Variants in AHCYL2 observed in about 807,000 individuals in gnomAD.
The protein encoded by AHCYL2 is adenosylhomocysteinase like 2, also known as S-adenosylhomocysteine hydrolase-like protein 2.
AHCYL2 carries 28 observed loss-of-function variants against 81.4 expected under a neutral mutation model. That is an observed-to-expected ratio of 0.34 (90% CI 0.25 to 0.47). The LOEUF (loss-of-function observed/expected upper bound fraction) is 0.47. Among genes scored for constraint, AHCYL2 ranks in the 20% least tolerant of loss-of-function variants. AHCYL2 has a pLI of 1.00. For synonymous variants in AHCYL2, 272 were observed against 290.2 expected (o/e 0.94, Z 0.64); for missense variants, 551 against 785.1 (o/e 0.70, Z 3.56).
chr7:129,341,908 A>G (rs564291595), intron 1 of AHCYL2, among the ~76,000 whole-genome samples: 7 of 152,222 alleles, frequency 4.6e-5, no homozygotes, highest in Non-Finnish European at 8.8e-5. Context: ...AAAGAGAAGA[A>G]TATCAGTGTA....
chr7:129,284,873 T>C (rs1002780623), intron 1 of AHCYL2, among the ~76,000 whole-genome samples: 10 of 152,212 alleles, frequency 6.6e-5, no homozygotes, highest in African/African-American at 2.4e-4. Context: ...AGAGCTTTAT[T>C]TTTGGCAAAC....
intron 1 of AHCYL2, among the ~76,000 whole-genome samples, chr7:129,337,382 G>A (rs185011063): frequency 7.4e-4 from 112 of 151,966 alleles, no homozygotes; most frequent in African/African-American, 2.5e-3. Context: ...TAGATAGGCC[G>A]TAATTTATTT....
intron 1 of AHCYL2, among the ~76,000 whole-genome samples, chr7:129,230,123 C>T (rs1012660538): frequency 7.7e-6 from 1 of 130,062 alleles, no homozygotes; most frequent in Non-Finnish European, 1.6e-5. Context: ...CTCGCTCTGT[C>T]ACCCAAGCTG....
In AHCYL2 at chr7:129,225,293, C is replaced by T. The variant is rs1186773322; in HGVS notation, c.217C>T (p.Leu73Phe). The T allele has an allele frequency of 1.4e-6, 2 of 1,473,064 alleles. No homozygotes were observed. The highest frequency in any genetic ancestry group is 2.6e-5 in the South Asian group (2 of 76,946). 91.2% of individuals were successfully genotyped at this position (1,473,064 alleles called of 1,614,324 possible). Residue 73 changes from leucine (L) to phenylalanine (F), a missense_variant, in exon 1 of 17, where the codon CTC (leucine) becomes TTC (phenylalanine). By Grantham distance (22) the Leu-to-Phe change is conservative (BLOSUM62 0). Transcript: ENST00000325006. ...CCCGGGCTCGGGGCCCGCCGCCGCT[C>T]TCAGCCCCGCCGCCGGGAAGGTGCC... The part of the protein sequence containing the change: ...PGPGSGPAAA[L>F]SPAAGKVPQA...
At chr7:129,323,371 C>G (rs1375163517) in intron 1 of AHCYL2, among the ~76,000 whole-genome samples, 1 of 152,042 alleles carries the variant, frequency 6.6e-6, no homozygotes, top group Non-Finnish European at 1.5e-5. Context: ...AGGGATTTTC[C>G]AGACATGTTT....
At chr7:129,337,724 A>C (rs905546775) in intron 1 of AHCYL2, among the ~76,000 whole-genome samples, 1 of 151,498 alleles carries the variant, frequency 6.6e-6, no homozygotes, top group East Asian at 2.0e-4. Flanking sequence ...TCAGTCTTCT[A>C]TAAGGATTTA....
intron 1 of AHCYL2, among the ~76,000 whole-genome samples, chr7:129,281,418 A>T (rs1796440161): frequency 7.1e-6 from 1 of 141,424 alleles, no homozygotes. Context: ...AAGAGTTTTT[A>T]TAGATTTCCT....
chr7:129,227,338 A>C (rs1794261043), intron 1 of AHCYL2, among the ~76,000 whole-genome samples: 1 of 151,956 alleles, frequency 6.6e-6, no homozygotes, highest in Non-Finnish European at 1.5e-5. Context: ...TATATAAAGA[A>C]ATTAAAAAAT....
intron 1 of AHCYL2, among the ~76,000 whole-genome samples, chr7:129,276,236 A>G (rs1400554649): frequency 6.6e-6 from 1 of 152,090 alleles, no homozygotes; most frequent in African/African-American, 2.4e-5. Flanking sequence ...TTTAGAGGGA[A>G]ATTTATATCA....
chr7:129,290,974 A>C (rs1440018559), intron 1 of AHCYL2, among the ~76,000 whole-genome samples: 1 of 151,610 alleles, frequency 6.6e-6, no homozygotes, highest in Non-Finnish European at 1.5e-5. Context: ...TTTAATTGCC[A>C]TTTGTTAACA....
chr7:129,280,655 A>C (rs2150739171), intron 1 of AHCYL2, among the ~76,000 whole-genome samples: 1 of 151,672 alleles, frequency 6.6e-6, no homozygotes, highest in East Asian at 1.9e-4. Context: ...GTTGAATAGA[A>C]GTGGTGAGAG....
intron 1 of AHCYL2, among the ~76,000 whole-genome samples, chr7:129,360,603 G>A (rs1226651930): frequency 6.6e-6 from 1 of 152,206 alleles, no homozygotes. Context: ...AGATCAGTCT[G>A]GGGGATTACT....
chr7:129,350,465 C>T (rs544509265), intron 1 of AHCYL2, among the ~76,000 whole-genome samples: 1 of 151,092 alleles, frequency 6.6e-6, no homozygotes, highest in South Asian at 2.1e-4. Context: ...CTTACTGCAA[C>T]CTCTGCCTCC....
At chr7:129,322,605 T>G (rs1177798293) in intron 1 of AHCYL2, among the ~76,000 whole-genome samples, 1 of 152,226 alleles carries the variant, frequency 6.6e-6, no homozygotes, top group Non-Finnish European at 1.5e-5. Flanking sequence ...CTTTTTCTTT[T>G]TTTTGAGACA....
chr7:129,348,020 A>G (rs565483511), intron 1 of AHCYL2, among the ~76,000 whole-genome samples: 43 of 152,336 alleles, frequency 2.8e-4, no homozygotes, highest in Non-Finnish European at 5.7e-4. Flanking sequence ...ACAAAATAGC[A>G]TATGTCTGGA....
chr7:129,226,939 T>G (rs1794245602), intron 1 of AHCYL2, among the ~76,000 whole-genome samples: 1 of 152,262 alleles, frequency 6.6e-6, no homozygotes, highest in Non-Finnish European at 1.5e-5. Context: ...AGTCATTTTC[T>G]TGTGATAAAG....
rs1193905615 is a variant in AHCYL2 at position 129,368,185 on chromosome 7, T to G, written c.364-11453T>G. The G allele has an allele frequency of 8.6e-7, 1 of 1,167,788 alleles. No homozygotes were observed. Among genetic ancestry groups the G allele is most frequent in the African/African-American group, 1.6e-5 (1 of 63,296 alleles). The allele number at this position is 1,167,788 out of a possible 1,614,324, so 72.3% of individuals were successfully genotyped here. A position where few individuals can be genotyped will look rare whatever the true frequency, so the allele number is the denominator to read the frequency against. Reference sequence around the variant, plus strand: ...ACTGGGGAGGTGCGGGTAGAGTGTTTGGGTAGCATTAAAACAGTGAGTGCC... The same window carrying G: ...ACTGGGGAGGTGCGGGTAGAGTGTTGGGGTAGCATTAAAACAGTGAGTGCC... On this transcript the variant is annotated intron_variant, in intron 1 of 16. Transcript: ENST00000325006. This position sits in a 1 kb window ranked among gnomAD's most constrained non-coding sequence, Gnocchi z 4.4.
At chr7:129,278,337 G>A (rs991468470) in intron 1 of AHCYL2, among the ~76,000 whole-genome samples, 11 of 151,944 alleles carry the variant, frequency 7.2e-5, no homozygotes, top group African/African-American at 2.7e-4. Flanking sequence ...CAGTCTCCCA[G>A]TGTGTTGGGA....
At chr7:129,348,390 A>G (rs1490009949) in intron 1 of AHCYL2, among the ~76,000 whole-genome samples, 1 of 149,210 alleles carries the variant, frequency 6.7e-6, no homozygotes, top group Non-Finnish European at 1.5e-5. Context: ...AAAAGAAACA[A>G]TAACCCCCCC....
Sources: gnomAD v4.1 joint callset for allele counts (sites outside exome capture counted in the v4.1 genomes callset) on GRCh38, gnomAD v4.1.1 for gene constraint, Gnocchi (gnomAD v3.1) non-coding constraint, MANE v1.5 for transcripts, NCBI Gene and HGNC (gene_info 2026-07-23, HGNC 2026-07-21) for gene names.